VAV2: variants seen among roughly 807,000 people sequenced by gnomAD.
The protein encoded by VAV2 is guanine nucleotide exchange factor VAV2.
VAV2 carries 67 observed loss-of-function variants against 132.5 expected under a neutral mutation model. The ratio of observed to expected loss-of-function variants is 0.51; its 90% CI spans 0.42 to 0.62. The LOEUF (loss-of-function observed/expected upper bound fraction) is 0.62. Ranked by LOEUF, VAV2 falls within the 20% of genes least tolerant of loss-of-function variation. The pLI is 0.00. For synonymous variants in VAV2, 492 were observed against 443.5 expected (o/e 1.11, Z -1.37); for missense variants, 938 against 1,153.6 (o/e 0.81, Z 2.71).
rs182278833 is a variant in VAV2, at chr9:133,826,280, C to T, written c.449+7992G>A. ...AGCTAGACCTTGGGCCCTGGTGACC[C>T]GCCACACTAAAGCAGCCAGCAGCTG... On this transcript the variant is annotated intron_variant, in intron 4 of 29. Transcript: ENST00000371850. This position sits in a 1 kb window ranked among gnomAD's most constrained non-coding sequence, Gnocchi z 4.2. Among the ~76,000 whole-genome samples, 176 of 152,286 alleles carry T rather than the reference C, an allele frequency of 1.2e-3. No homozygotes were observed. Among genetic ancestry groups the T allele is most frequent in the African/African-American group, 3.9e-3 (164 of 41,564 alleles).
intron 1 of VAV2, among the ~76,000 whole-genome samples, chr9:133,986,471 G>A (rs1225861674): frequency 6.6e-6 from 1 of 152,234 alleles, no homozygotes; most frequent in Non-Finnish European, 1.5e-5. Flanking sequence ...CAATTGTGGA[G>A]AAGTGGACGG....
At chr9:133,784,623 C>T (rs1020328002) in intron 17 of VAV2, among the ~76,000 whole-genome samples, 4 of 152,234 alleles carry the variant, frequency 2.6e-5, no homozygotes, top group Admixed American at 6.5e-5. Context: ...AGAGAAGAAG[C>T]TTTAACACTG....
intron 4 of VAV2, among the ~76,000 whole-genome samples, chr9:133,831,671 C>T (rs1836270816): frequency 6.6e-6 from 1 of 152,180 alleles, no homozygotes; most frequent in Admixed American, 6.5e-5. Flanking sequence ...CCCATCGTCC[C>T]GGAGCCCTCC....
intron 2 of VAV2, among the ~76,000 whole-genome samples, chr9:133,934,459 G>C (rs34788625): frequency 0.023 from 3,557 of 152,316 alleles, 123 homozygotes; most frequent in African/African-American, 0.08. Context: ...GAGGAGACTG[G>C]CCTGTGAGCA....
intron 7 of VAV2, among the ~76,000 whole-genome samples, chr9:133,808,746 C>A (rs1183278539): frequency 1.3e-5 from 2 of 152,232 alleles, no homozygotes; most frequent in African/African-American, 4.8e-5. Flanking sequence ...TAGCTCAGTG[C>A]CTGCCTTAGA....
In VAV2 at chr9:133,885,511, T is replaced by C. The variant is rs931375852; in HGVS notation, c.322-24079A>G. 5.3e-5 allele frequency among the ~76,000 whole-genome samples: 8 copies of C among 152,184 alleles called. No individual in the cohort carries two copies. Among genetic ancestry groups the C allele is most frequent in the Non-Finnish European group, 7.3e-5 (5 of 68,032 alleles). ...CACTGTGGACTCTGCAAGTGTCGTA[T>C]TTACTAATAATGGTGCACCGCCAGG... On this transcript the variant is annotated intron_variant, in intron 2 of 29. Coordinates refer to ENST00000371850, the MANE Select transcript of VAV2 (RefSeq NM_001134398.2). The surrounding 1 kb of genome is among the most constrained non-coding windows in gnomAD (Gnocchi z 5.0).
intron 2 of VAV2, among the ~76,000 whole-genome samples, chr9:133,924,687 G>T (rs1564469926): frequency 6.6e-6 from 1 of 152,202 alleles, no homozygotes; most frequent in Non-Finnish European, 1.5e-5. Context: ...GGGTCCAAGG[G>T]GCAATGTCAG....
intron 2 of VAV2, among the ~76,000 whole-genome samples, chr9:133,894,975 C>T (rs1043703472): frequency 2.0e-5 from 3 of 152,118 alleles, no homozygotes; most frequent in Non-Finnish European, 4.4e-5. Context: ...CCGCTGTTGA[C>T]GTGGGAGGCA....
At chr9:133,859,404 A>C (rs1837509611) in intron 3 of VAV2, among the ~76,000 whole-genome samples, 1 of 152,130 alleles carries the variant, frequency 6.6e-6, no homozygotes, top group Non-Finnish European at 1.5e-5. Context: ...GGCTGTGGGC[A>C]CCTGTGGCAG....
intron 21 of VAV2, among the ~76,000 whole-genome samples, 159 bp from the exon 22 acceptor site, chr9:133,779,048 A>G (rs142705464): frequency 8.9e-4 from 136 of 152,310 alleles, no homozygotes; most frequent in African/African-American, 3.2e-3. Context: ...CATAAGCCTC[A>G]TGTCTTTTTG....
At chr9:133,917,557 G>C (rs1422701595) in intron 2 of VAV2, among the ~76,000 whole-genome samples, 2 of 149,852 alleles carry the variant, frequency 1.3e-5, no homozygotes, top group Non-Finnish European at 2.9e-5. Flanking sequence ...ACACAGCACA[G>C]AGGGGCCCTG....
At chr9:133,967,122 C>G (rs1842169029) in intron 1 of VAV2, among the ~76,000 whole-genome samples, 1 of 151,100 alleles carries the variant, frequency 6.6e-6, no homozygotes, top group Non-Finnish European at 1.5e-5. Context: ...AGACATTTCT[C>G]AAAAGACATA....
intron 3 of VAV2, among the ~76,000 whole-genome samples, chr9:133,843,768 G>T (rs1468327663): frequency 6.6e-6 from 1 of 152,250 alleles, no homozygotes. Context: ...GAGTCTCACG[G>T]GGGTGGAGTC....
At chr9:133,786,897 A>G (rs1834248661) in intron 16 of VAV2, among the ~76,000 whole-genome samples, 1 of 152,154 alleles carries the variant, frequency 6.6e-6, no homozygotes, top group African/African-American at 2.4e-5. Flanking sequence ...GGAAAGAAAC[A>G]AGGAAAGAGA....
At chr9:133,922,041 A>G (rs675002) in intron 2 of VAV2, among the ~76,000 whole-genome samples, 63,738 of 152,216 alleles carry the variant, frequency 0.42, 15,836 homozygotes, top group Non-Finnish European at 0.57. Flanking sequence ...CCATGCATGC[A>G]GGCACGGGAT....
At chr9:133,905,777 C>T in intron 2 of VAV2, among the ~76,000 whole-genome samples, 1 of 152,072 alleles carries the variant, frequency 6.6e-6, no homozygotes, top group South Asian at 2.1e-4. Context: ...ACTCACACGC[C>T]TGTAATCCCA....
intron 4 of VAV2, among the ~76,000 whole-genome samples, chr9:133,832,192 C>A (rs1176117158): frequency 2.0e-5 from 3 of 152,226 alleles, no homozygotes; most frequent in African/African-American, 7.2e-5. Context: ...TCACCGTGCA[C>A]CCCTTGGGCA....
Position 133,765,077 on chromosome 9 carries a change from A to G in VAV2, c.2590-968T>C, listed in dbSNP as rs922381456. ...GACTGATTCCTGGGGGACGATGAAT[A>G]AGTACAGGAGAAAAGAAAGTTTTCC... On this transcript the variant is annotated intron_variant, in intron 29 of 29. Coordinates refer to ENST00000371850, the MANE Select transcript of VAV2 (RefSeq NM_001134398.2). 2.0e-5 allele frequency among the ~76,000 whole-genome samples: 3 copies of G among 152,232 alleles called. 1 individual carries two copies.
intron 4 of VAV2, among the ~76,000 whole-genome samples, chr9:133,820,162 G>A (rs1278849576): frequency 6.6e-6 from 1 of 152,174 alleles, no homozygotes; most frequent in Non-Finnish European, 1.5e-5. Context: ...AATCTCCCAG[G>A]TACGGAACAG....
Sources: gnomAD v4.1 joint callset for allele counts (sites outside exome capture counted in the v4.1 genomes callset) on GRCh38, gnomAD v4.1.1 for gene constraint, Gnocchi (gnomAD v3.1) non-coding constraint, MANE v1.5 for transcripts, NCBI Gene and HGNC (gene_info 2026-07-23, HGNC 2026-07-21) for gene names.